The following CHL1 variants were observed in gnomAD, a reference collection of about 807,000 sequenced individuals.
CHL1 encodes neural cell adhesion molecule L1-like protein.
CHL1 carries 96 observed loss-of-function variants against 141.9 expected under a neutral mutation model. That is an observed-to-expected ratio of 0.68 (90% confidence interval 0.57 to 0.80). The LOEUF (loss-of-function observed/expected upper bound fraction) is 0.80, where lower values mean the gene tolerates loss of function less well. Ranked by LOEUF, CHL1 falls within the 30% of genes least tolerant of loss-of-function variation. The pLI, the probability that CHL1 is intolerant of heterozygous loss-of-function variation, is 0.00. For missense variants in CHL1, 1,820 were observed against 1,457.2 expected (o/e 1.25, Z -4.05); for synonymous variants, 613 against 502.2 (o/e 1.22, Z -2.95).
intron 23 of CHL1, among the ~76,000 whole-genome samples, chr3:394,439 T>TG (rs1235368791): frequency 1.3e-5 from 2 of 152,184 alleles, no homozygotes; most frequent in Non-Finnish European, 2.9e-5. Flanking sequence ...GGCCATGGTT[T>TG]GGATTCAAAT....
chr3:205,930 C>A (rs980411386), intron 1 of CHL1, among the ~76,000 whole-genome samples: 1 of 152,204 alleles, frequency 6.6e-6, no homozygotes, highest in Non-Finnish European at 1.5e-5. Context: ...ATATGTCTTG[C>A]AGTACCAGAG....
intron 3 of CHL1, among the ~76,000 whole-genome samples, chr3:321,430 C>A (rs187716405): frequency 7.2e-5 from 11 of 152,164 alleles, no homozygotes; most frequent in African/African-American, 2.6e-4. Context: ...GTACCTTCAT[C>A]TTTAGTGAAT....
chr3:211,055 G>C (rs867612602), intron 1 of CHL1, among the ~76,000 whole-genome samples: 6 of 152,190 alleles, frequency 3.9e-5, no homozygotes, highest in Non-Finnish European at 7.3e-5. Context: ...TCTGGGAAGT[G>C]ACTTGGGTTT....
intron 5 of CHL1, 63 bp from the exon 6 acceptor site, chr3:340,726 TTAAGA>T: frequency 7.8e-7 from 1 of 1,277,478 alleles, no homozygotes; most frequent in Non-Finnish European, 1.1e-6. Context: ...AAAGAACATA[TTAAGA>T]TATTTGTTGT....
At chr3:389,560 C>G in intron 20 of CHL1, 86 bp downstream of exon 20, 1 of 992,440 alleles carries the variant, frequency 1.0e-6, no homozygotes, top group Non-Finnish European at 1.5e-6. Flanking sequence ...TATTTGTGAA[C>G]AACTACTGCA....
At chr3:242,404 G>A (rs181429634) in intron 1 of CHL1, among the ~76,000 whole-genome samples, 3,367 of 140,186 alleles carry the variant, frequency 0.024, 146 homozygotes, top group African/African-American at 0.084. Flanking sequence ...AGACCATCCT[G>A]GCTAACACGG....
At chr3:396,045 G>A (rs150269633) in intron 24 of CHL1, among the ~76,000 whole-genome samples, 9 of 152,214 alleles carry the variant, frequency 5.9e-5, no homozygotes, top group East Asian at 3.9e-4. Flanking sequence ...ACAAGCTTAC[G>A]TTTTTCTCAG....
chr3:261,450 G>C (rs779678321), intron 2 of CHL1, among the ~76,000 whole-genome samples: 3 of 152,026 alleles, frequency 2.0e-5, no homozygotes, highest in African/African-American at 4.8e-5. Context: ...AGAAAATAAG[G>C]CCAGTTGCTA....
intron 1 of CHL1, among the ~76,000 whole-genome samples, chr3:235,285 C>G (rs1346684191): frequency 6.6e-6 from 1 of 151,970 alleles, no homozygotes; most frequent in Non-Finnish European, 1.5e-5. Flanking sequence ...AATTATAAAG[C>G]TCCATCCTGG....
rs908707097 is a variant in CHL1 at position 406,805 on chromosome 3, T to C, written c.*1094T>C. On this transcript the variant is annotated 3_prime_UTR_variant, in exon 28 of 28. Coordinates refer to ENST00000256509, the MANE Select transcript of CHL1 (RefSeq NM_006614.4). ...ATAAAGTATTTGGGTTTTGTTCTTG[T>C]ATTGCTTTCTTTCAACAGTTTCAAA... 2 of 152,110 alleles carry C rather than the reference T, an allele frequency of 1.3e-5. No individual in the cohort carries two copies. The highest frequency in any genetic ancestry group is 4.8e-5 in the African/African-American group (2 of 41,444). 9.4% of individuals were successfully genotyped at this position (152,110 alleles called of 1,614,324 possible). A position where few individuals can be genotyped will look rare whatever the true frequency, so the allele number is the denominator to read the frequency against.
chr3:354,503 G>A, intron 10 of CHL1, 137 bp from the exon 11 acceptor site: 3 of 945,314 alleles, frequency 3.2e-6, no homozygotes, highest in Admixed American at 2.5e-5. Flanking sequence ...TGCAGAGCAA[G>A]TTTACCAAAA....
chr3:319,736 A>T lies in CHL1; in HGVS notation c.-41A>T. Reference sequence around the variant, plus strand: ...AAACCAAAAGTGAGAGGAGACATTAAGATTTTCATTCTTACCGGGTTGTCT... The same window carrying T: ...AAACCAAAAGTGAGAGGAGACATTATGATTTTCATTCTTACCGGGTTGTCT... On this transcript the variant is annotated 5_prime_UTR_variant, in exon 3 of 28. The change creates a new upstream start codon in the 5' untranslated region. Transcript: ENST00000256509. 6.6e-6 allele frequency: 9 copies of T among 1,362,580 alleles called. No individual in the cohort carries two copies. The highest frequency in any genetic ancestry group is 9.4e-6 in the Non-Finnish European group (9 of 959,652). 84.4% of individuals were successfully genotyped at this position (1,362,580 alleles called of 1,614,324 possible). A position where few individuals can be genotyped will look rare whatever the true frequency, so the allele number is the denominator to read the frequency against.
intron 2 of CHL1, among the ~76,000 whole-genome samples, chr3:314,188 G>T (rs913523239): frequency 2.0e-5 from 3 of 150,956 alleles, no homozygotes; most frequent in Non-Finnish European, 3.0e-5. Flanking sequence ...AATATTTTAG[G>T]CTGATTTCTG....
intron 2 of CHL1, among the ~76,000 whole-genome samples, chr3:311,106 T>G (rs1699714851): frequency 6.6e-6 from 1 of 152,220 alleles, no homozygotes; most frequent in South Asian, 2.1e-4. Flanking sequence ...CAGTATAGTT[T>G]ATTTATCCAT....
chr3:325,866 A>G (rs1700966530), intron 3 of CHL1, 93 bp from the exon 4 acceptor site: 3 of 691,626 alleles, frequency 4.3e-6, no homozygotes, highest in African/African-American at 1.8e-5. Flanking sequence ...TTCACTTATC[A>G]GTATACAAAA....
intron 2 of CHL1, among the ~76,000 whole-genome samples, chr3:314,296 G>GCTCTCTCT (rs1320954178): frequency 2.3e-5 from 2 of 85,512 alleles, no homozygotes; most frequent in African/African-American, 1.1e-4. Context: ...CCCCAATCTT[G>GCTCTCTCT]CACTCTCTCT....
intron 9 of CHL1, among the ~76,000 whole-genome samples, chr3:347,249 A>G (rs2125182189): frequency 6.6e-6 from 1 of 152,310 alleles, no homozygotes. Flanking sequence ...AGAAATATGC[A>G]AATAAAAGTT....
chr3:245,026 C>A lies in CHL1; in HGVS notation c.-95+334C>A, dbSNP rs1042721950. On this transcript the variant is annotated intron_variant, in intron 2 of 27. Transcript: ENST00000256509. Reference sequence around the variant, plus strand: ...CATTTTTAATAGAAAAAAATAGTTTCACCACTGAGATTTGAGAAGGTTGAC... The same window carrying A: ...CATTTTTAATAGAAAAAAATAGTTTAACCACTGAGATTTGAGAAGGTTGAC... 2.0e-5 allele frequency among the ~76,000 whole-genome samples: 3 copies of A among 152,164 alleles called. No homozygotes were observed. The East Asian group carries it at 5.8e-4, about 29-fold the overall frequency.
At chr3:396,288 C>T (rs1451530179) in intron 24 of CHL1, among the ~76,000 whole-genome samples, 2 of 151,900 alleles carry the variant, frequency 1.3e-5, no homozygotes, top group Non-Finnish European at 2.9e-5. Flanking sequence ...ATCAAGTGTC[C>T]AATACAAAGA....
Sources: allele counts gnomAD v4.1 joint callset (sites outside exome capture counted in the v4.1 genomes callset), GRCh38; gene constraint gnomAD v4.1.1; transcripts MANE v1.5; gene names NCBI Gene and HGNC (gene_info 2026-07-23, HGNC 2026-07-21).